Variants in POC1A observed in about 807,000 individuals in gnomAD.
POC1A encodes the protein POC1 centriolar protein A, also known as POC1 centriolar protein homolog A.
Under a neutral mutation model 47.8 loss-of-function variants are expected in POC1A, and 34 were observed. The ratio of observed to expected loss-of-function variants is 0.71; its 90% CI spans 0.54 to 0.95. The LOEUF (loss-of-function observed/expected upper bound fraction) is 0.95. Among genes scored for constraint, POC1A ranks in the 40% least tolerant of loss-of-function variants. The pLI, the probability that POC1A is intolerant of heterozygous loss-of-function variation, is 0.00. For missense variants in POC1A, 466 were observed against 528.3 expected, an observed-to-expected ratio of 0.88 and a Z score of 1.16; for synonymous variants, 177 against 207.6, an observed-to-expected ratio of 0.85 and a Z score of 1.27.
At chr3:52,122,620 C>G in intron 8 of POC1A, 143 bp from the exon 9 acceptor site, 1 of 639,264 alleles carries the variant, frequency 1.6e-6, no homozygotes, top group Non-Finnish European at 2.8e-6. Flanking sequence ...CAACTCAATT[C>G]CGGGACCTAC....
At position 52,147,110 on chromosome 3, in the gene POC1A, G is replaced by A. The variant is rs773718319; in HGVS notation, c.456-15C>T. 1 of 1,595,100 alleles carries A rather than the reference G, an allele frequency of 6.3e-7. No individual in the cohort carries two copies. The highest frequency in any genetic ancestry group is 1.1e-5 in the South Asian group (1 of 90,636). ...CGGGGGAGAACCTGAACCGGGTGGG[G>A]CACAAGTCACATCACAGACTAACAG... On this transcript the variant is annotated splice_polypyrimidine_tract_variant and intron_variant, in intron 4 of 10. Transcript: ENST00000296484.
intron 7 of POC1A, among the ~76,000 whole-genome samples, chr3:52,127,434 G>A (rs1025127895): frequency 6.5e-4 from 97 of 150,222 alleles, no homozygotes; most frequent in Admixed American, 7.3e-4. Context: ...TCTGTTGCCC[G>A]GGCTGGAGTG....
intron 2 of POC1A, 22 bp from the exon 3 acceptor site, chr3:52,150,009 A>T (rs775219606): frequency 1.7e-4 from 270 of 1,605,034 alleles, no homozygotes; most frequent in Non-Finnish European, 2.2e-4. Flanking sequence ...GGGTGATGCT[A>T]TGACCTACAG....
intron 1 of POC1A, among the ~76,000 whole-genome samples, chr3:52,153,459 C>T (rs1698618974): frequency 6.6e-6 from 1 of 152,362 alleles, no homozygotes; most frequent in East Asian, 1.9e-4. Context: ...CCTAACGCAC[C>T]TGTCAGAGTC....
chr3:52,151,775 G>A (rs1436845435), intron 1 of POC1A, among the ~76,000 whole-genome samples: 1 of 151,792 alleles, frequency 6.6e-6, no homozygotes, highest in Non-Finnish European at 1.5e-5. Flanking sequence ...ACAATACTAC[G>A]ATACTCCTCA....
intron 7 of POC1A, 120 bp downstream of exon 7, chr3:52,138,049 C>T: frequency 9.4e-7 from 1 of 1,067,236 alleles, no homozygotes; most frequent in Non-Finnish European, 1.4e-6. Context: ...ATGGAAATGC[C>T]TCCATCCATC....
intron 9 of POC1A, among the ~76,000 whole-genome samples, chr3:52,120,857 A>G (rs111800148): frequency 0.014 from 2,126 of 152,380 alleles, 41 homozygotes; most frequent in African/African-American, 0.047. Flanking sequence ...CCAGGACCAA[A>G]GGAACAAGAA....
At chr3:52,133,374 C>T (rs1304761665) in intron 7 of POC1A, among the ~76,000 whole-genome samples, 2 of 152,156 alleles carry the variant, frequency 1.3e-5, no homozygotes, top group African/African-American at 2.4e-5. Flanking sequence ...ACCCAGTCTC[C>T]GGTATTTTAT....
At chr3:52,121,623 C>T (rs1427293793) in intron 9 of POC1A, among the ~76,000 whole-genome samples, 1 of 152,234 alleles carries the variant, frequency 6.6e-6, no homozygotes, top group East Asian at 1.9e-4. Flanking sequence ...CTTGGGCGAG[C>T]CGCTTCCTGT....
intron 7 of POC1A, among the ~76,000 whole-genome samples, chr3:52,130,859 T>A (rs1704184370): frequency 6.6e-6 from 1 of 152,088 alleles, no homozygotes; most frequent in Non-Finnish European, 1.5e-5. Flanking sequence ...AACCTCAACC[T>A]AGGGCCCAGC....
intron 7 of POC1A, among the ~76,000 whole-genome samples, chr3:52,134,975 C>T (rs886444583): frequency 4.7e-4 from 71 of 152,170 alleles, no homozygotes; most frequent in African/African-American, 1.5e-3. Context: ...CCCACCACAT[C>T]GCCACCTCCC....
intron 9 of POC1A, among the ~76,000 whole-genome samples, chr3:52,104,941 C>T (rs887785743): frequency 6.6e-5 from 10 of 152,224 alleles, no homozygotes; most frequent in African/African-American, 1.9e-4. Flanking sequence ...GAACACACCC[C>T]TCTTAGGGGT....
At chr3:52,099,597 C>G (rs1489748507) in intron 9 of POC1A, among the ~76,000 whole-genome samples, 3 of 152,156 alleles carry the variant, frequency 2.0e-5, no homozygotes, top group Non-Finnish European at 4.4e-5. Flanking sequence ...ACACCTGTAA[C>G]CCAACCACTT....
intron 10 of POC1A, among the ~76,000 whole-genome samples, chr3:52,094,115 A>G (rs1392097494): frequency 6.6e-6 from 1 of 152,244 alleles, no homozygotes; most frequent in East Asian, 1.9e-4. Context: ...TGGAGGCAAC[A>G]GAGGAGAACA....
chr3:52,128,980 T>C (rs374921521), intron 7 of POC1A, among the ~76,000 whole-genome samples: 18 of 152,178 alleles, frequency 1.2e-4, no homozygotes, highest in African/African-American at 4.3e-4. Context: ...TGTTTGAGAG[T>C]GCATTCTAGA....
chr3:52,111,259 G>A (rs1354692494), intron 9 of POC1A, among the ~76,000 whole-genome samples: 1 of 152,230 alleles, frequency 6.6e-6, no homozygotes, highest in Non-Finnish European at 1.5e-5. Flanking sequence ...GTTCAGAGAA[G>A]GGAGTTCTGG....
chr3:52,078,345 T>C (rs1702179900), intron 10 of POC1A, among the ~76,000 whole-genome samples: 1 of 152,138 alleles, frequency 6.6e-6, no homozygotes, highest in East Asian at 1.9e-4. Flanking sequence ...ATTAGAATGC[T>C]GTCTGGCACT....
Position 52,096,552 on chromosome 3 carries a change from C to A in POC1A, c.1125+17G>T, listed in dbSNP as rs745874923. The A allele has an allele frequency of 1.3e-6, 2 of 1,533,882 alleles. No individual in the cohort carries two copies. The highest frequency in any genetic ancestry group is 3.6e-4 in the Middle Eastern group (2 of 5,572). On this transcript the variant is annotated intron_variant, in intron 10 of 10. Coordinates refer to ENST00000296484, the MANE Select transcript of POC1A (RefSeq NM_015426.5). ...TGCAGATGACGGGATGACGGGTGAA[C>A]CCACAGTGTGGCCTACCTGAGTGAG...
chr3:52,125,049 G>A (rs1703943673), intron 8 of POC1A, 64 bp downstream of exon 8: 1 of 1,311,274 alleles, frequency 7.6e-7, no homozygotes, highest in Non-Finnish European at 1.1e-6. Flanking sequence ...ACCCTGTTTG[G>A]TTCTGAGCAG....
Sources: allele counts gnomAD v4.1 joint callset (sites outside exome capture counted in the v4.1 genomes callset), GRCh38; gene constraint gnomAD v4.1.1; transcripts MANE v1.5; gene names NCBI Gene and HGNC (gene_info 2026-07-23, HGNC 2026-07-21).